The following DIAPH2 variants were observed in gnomAD, a reference collection of about 807,000 sequenced individuals.
DIAPH2 encodes diaphanous related formin 2, also known as protein diaphanous homolog 2.
In DIAPH2, 35 loss-of-function variants were observed where a neutral mutation model predicts 92.7. The ratio of observed to expected loss-of-function variants is 0.38; its 90% CI spans 0.29 to 0.50. The LOEUF is 0.50. DIAPH2 is among the 20% of genes least tolerant of loss of function. The pLI is 0.94. For missense variants in DIAPH2, 701 were observed against 819.5 expected (o/e 0.86, Z 1.77); for synonymous variants, 301 against 280.4 (o/e 1.07, Z -0.73).
intron 4 of DIAPH2, among the ~76,000 whole-genome samples, chrX:96,818,268 G>C (rs937686416): frequency 9.1e-6 from 1 of 109,698 alleles, no homozygotes; most frequent in African/African-American, 3.3e-5. Context: ...TGTGAGCCGC[G>C]GTGCCTGGTC....
chrX:97,289,355 T>C, intron 23 of DIAPH2, among the ~76,000 whole-genome samples: 1 of 112,035 alleles, frequency 8.9e-6, no homozygotes, highest in East Asian at 2.8e-4. Flanking sequence ...TTCTATTAGA[T>C]TTGCTTTAAA....
Position 96,685,048 on chromosome X carries a change from GC to G in DIAPH2, c.-9del. The G allele has an allele frequency of 4.0e-6, 4 of 994,864 alleles. No homozygotes were observed. The highest frequency in any genetic ancestry group is 5.1e-6 in the Non-Finnish European group (4 of 783,783). The allele number at this position is 994,864 out of a possible 1,213,427, so 82.0% of individuals were successfully genotyped here. A position where few individuals can be genotyped will look rare whatever the true frequency, so the allele number is the denominator to read the frequency against. ...GGGGTTACAGGGCACAGGTGACAGG[GC>G]CGGAGAAAGATGGAGCAGCCCGGGG... On this transcript the variant is annotated 5_prime_UTR_variant, in exon 1 of 27. Transcript: ENST00000324765.
At chrX:97,512,561 T>G (rs1365112527) in intron 26 of DIAPH2, among the ~76,000 whole-genome samples, 1 of 101,757 alleles carries the variant, frequency 9.8e-6, no homozygotes. Context: ...CTTTTGAATG[T>G]GTTTGCTCTT....
At position 96,939,494 on chromosome X, in the gene DIAPH2, ATATATGTATATATATATGTATG is replaced by A. The variant is rs1569430980; in HGVS notation, c.1325+118_1325+139del. The A allele has an allele frequency of 3.5e-4, 26 of 73,836 alleles. 2 individuals are homozygous for A. The highest frequency in any genetic ancestry group is 4.9e-4 in the Non-Finnish European group (15 of 30,448). The allele number at this position is 73,836 out of a possible 1,213,427, so 6.1% of individuals were successfully genotyped here. ...TATGCATATGTGTGTGTATGTATAT[ATATATGTATATATATATGTATG>A]TATATATATATATGTATATATATAT... On this transcript the variant is annotated intron_variant, in intron 12 of 26. Coordinates refer to ENST00000324765, the MANE Select transcript of DIAPH2 (RefSeq NM_006729.5).
At chrX:97,404,250 T>C (rs1431523268) in intron 25 of DIAPH2, among the ~76,000 whole-genome samples, 2 of 112,153 alleles carry the variant, frequency 1.8e-5, no homozygotes, top group African/African-American at 6.5e-5. Flanking sequence ...TCATTATTCT[T>C]TTTTTAATTG....
intron 15 of DIAPH2, among the ~76,000 whole-genome samples, chrX:96,957,202 G>T (rs1386853633): frequency 8.9e-6 from 1 of 111,892 alleles, no homozygotes; most frequent in Non-Finnish European, 1.9e-5. Flanking sequence ...TGTATTTTTA[G>T]TAGAGACAGG....
At chrX:97,524,526 A>G (rs982585596) in intron 26 of DIAPH2, among the ~76,000 whole-genome samples, 1 of 112,162 alleles carries the variant, frequency 8.9e-6, no homozygotes, top group East Asian at 2.8e-4. Flanking sequence ...AAAACTTACA[A>G]TGAGTCAGAC....
chrX:97,373,573 A>T (rs1029169377), intron 24 of DIAPH2, among the ~76,000 whole-genome samples: 4 of 104,058 alleles, frequency 3.8e-5, no homozygotes, highest in Non-Finnish European at 5.9e-5. Flanking sequence ...CTCATAAGAC[A>T]GACATTCAAG....
intron 3 of DIAPH2, among the ~76,000 whole-genome samples, chrX:96,739,456 T>G (rs1317291450): frequency 1.8e-5 from 2 of 111,596 alleles, no homozygotes; most frequent in Admixed American, 1.9e-4. Flanking sequence ...ACTGTACATT[T>G]TTTGTGGTTG....
chrX:96,879,976 G>A (rs769246370), intron 4 of DIAPH2, among the ~76,000 whole-genome samples: 2 of 111,349 alleles, frequency 1.8e-5, no homozygotes, highest in Non-Finnish European at 3.8e-5. Flanking sequence ...TGTTCCACCC[G>A]CCTCAGCCTC....
intron 23 of DIAPH2, among the ~76,000 whole-genome samples, chrX:97,331,830 G>C (rs1406008619): frequency 9.0e-6 from 1 of 111,731 alleles, no homozygotes; most frequent in Non-Finnish European, 1.9e-5. Context: ...CTTCAAACTA[G>C]ACAACTAGAA....
chrX:97,106,983 A>T (rs181155352), intron 20 of DIAPH2, among the ~76,000 whole-genome samples: 6 of 111,591 alleles, frequency 5.4e-5, no homozygotes, highest in African/African-American at 2.0e-4. Context: ...TGTTTTCAGA[A>T]AGGTGTTTTA....
rs181495157 is a variant in DIAPH2, at chrX:97,371,464, A to G, written c.3010-12445A>G. ...TATTTCACAGAGGCCAACAGACAAG[A>G]CGTGGGCTTAAAAAACTGACAGCTT... On this transcript the variant is annotated intron_variant, in intron 24 of 26. Transcript: ENST00000324765. Among the ~76,000 whole-genome samples, 68 of 111,484 alleles carry G rather than the reference A, an allele frequency of 6.1e-4. No individual in the cohort carries two copies. In the East Asian group the frequency reaches 0.019, roughly 31 times the overall value.
chrX:96,745,353 A>G (rs747096623), intron 3 of DIAPH2, among the ~76,000 whole-genome samples: 7 of 112,247 alleles, frequency 6.2e-5, no homozygotes, highest in East Asian at 2.8e-4. Flanking sequence ...TATGCACAGT[A>G]ATAATATATG....
chrX:96,976,110 C>G (rs373649687), intron 17 of DIAPH2, among the ~76,000 whole-genome samples: 1 of 105,039 alleles, frequency 9.5e-6, no homozygotes. Flanking sequence ...CTCCCAGGGT[C>G]ATGTGATCCT....
chrX:96,927,282 ATTTTTTTTTT>A (rs5903060), intron 9 of DIAPH2, among the ~76,000 whole-genome samples: 2 of 82,152 alleles, frequency 2.4e-5, no homozygotes, highest in Non-Finnish European at 4.8e-5. Context: ...CTGGAGTTGA[ATTTTTTTTTT>A]TTTTTTTTTT....
chrX:97,298,184 G>A (rs760903975), intron 23 of DIAPH2, among the ~76,000 whole-genome samples: 1 of 105,980 alleles, frequency 9.4e-6, no homozygotes, highest in African/African-American at 3.4e-5. Flanking sequence ...TTGGAATTTA[G>A]TAAGTAGCTG....
chrX:96,843,312 C>T (rs1028776366), intron 4 of DIAPH2, among the ~76,000 whole-genome samples: 9 of 111,750 alleles, frequency 8.1e-5, no homozygotes, highest in Middle Eastern at 4.6e-3. Context: ...GTACAGCCCG[C>T]AGAACTGTGA....
chrX:97,589,786 T>C (rs2071505292), intron 26 of DIAPH2, among the ~76,000 whole-genome samples: 1 of 112,497 alleles, frequency 8.9e-6, no homozygotes, highest in Non-Finnish European at 1.9e-5. Context: ...TTTTTATTCA[T>C]GTATAGGCTC....
Sources: gnomAD v4.1 joint callset for allele counts (sites outside exome capture counted in the v4.1 genomes callset) on GRCh38, gnomAD v4.1.1 for gene constraint, MANE v1.5 for transcripts, NCBI Gene and HGNC (gene_info 2026-07-23, HGNC 2026-07-21) for gene names.